CELF2: variants seen among roughly 807,000 people sequenced by gnomAD.
CELF2 encodes the protein CUGBP Elav-like family member 2.
A neutral mutation model predicts 62.6 loss-of-function variants in CELF2; 8 were observed. The ratio of observed to expected loss-of-function variants is 0.13; its 90% CI spans 0.07 to 0.23. The LOEUF is 0.23. Among genes scored for constraint, CELF2 ranks in the 10% least tolerant of loss-of-function variants. The pLI, the probability that CELF2 is intolerant of heterozygous loss-of-function variation, is 1.00. For missense variants in CELF2, 333 were observed against 671.0 expected (o/e 0.50, Z 5.56); for synonymous variants, 258 against 250.0 (o/e 1.03, Z -0.30).
At chr10:10,494,174 T>C in the CELF2 span, among the ~76,000 whole-genome samples, 1 of 152,232 alleles carries the variant, frequency 6.6e-6, no homozygotes, top group African/African-American at 2.4e-5. Flanking sequence ...CTGAACCATG[T>C]AGACCACGCT....
At chr10:10,738,836 C>T in the CELF2 span, among the ~76,000 whole-genome samples, 10 of 152,040 alleles carry the variant, frequency 6.6e-5, no homozygotes, top group Non-Finnish European at 7.4e-5. Context: ...AAAGAACATT[C>T]GGTAAAAACT....
chr10:10,992,480 A>G (rs1454038647), intron 2 of CELF2, among the ~76,000 whole-genome samples: 1 of 152,204 alleles, frequency 6.6e-6, no homozygotes, highest in African/African-American at 2.4e-5. Flanking sequence ...TATTCCACTC[A>G]CTCTATTGTA....
At chr10:10,505,569 G>C in the CELF2 span, among the ~76,000 whole-genome samples, 1 of 152,042 alleles carries the variant, frequency 6.6e-6, no homozygotes, top group Non-Finnish European at 1.5e-5. Context: ...CTGGTCAGTG[G>C]GGATTAACGT....
At chr10:10,639,415 A>T in the CELF2 span, among the ~76,000 whole-genome samples, 1 of 152,218 alleles carries the variant, frequency 6.6e-6, no homozygotes, top group Admixed American at 6.5e-5. Flanking sequence ...AAATGTTTCT[A>T]TCTTTTAAAA....
chr10:11,332,920 G>GTC lies in CELF2; in HGVS notation c.*3875_*3876dup, dbSNP rs3841463. The GTC allele has an allele frequency of 2.0e-5, 3 of 152,600 alleles. No homozygotes were observed. Among genetic ancestry groups the GTC allele is most frequent in the African/African-American group, 7.2e-5 (3 of 41,430 alleles). The allele number at this position is 152,600 out of a possible 1,614,324, so 9.5% of individuals were successfully genotyped here. On this transcript the variant is annotated 3_prime_UTR_variant, in exon 13 of 13. Transcript: ENST00000633077. The stretch of plus-strand genomic sequence containing the variant: ...CTTAATAACAACACTTATTGCACCT[G>GTC]TCTCTCTCTGAGAACACGGTGTGTC...
Position 11,288,306 on chromosome 10 carries a change from A to T in CELF2, c.842-112A>T, listed in dbSNP as rs962394131. The T allele has an allele frequency of 5.2e-6, 7 of 1,357,252 alleles. No individual in the cohort carries two copies. In the African/African-American group the frequency reaches 7.2e-5, roughly 14 times the overall value. The allele number at this position is 1,357,252 out of a possible 1,614,324, so 84.1% of individuals were successfully genotyped here. On this transcript the variant is annotated intron_variant, in intron 8 of 12. Transcript: ENST00000633077. Reference sequence around the variant, plus strand: ...CCCACCCAGGCAGGTGACCTTGCACAGGGTCGTCTGCTCTCATCATGTGTC... The same window carrying T: ...CCCACCCAGGCAGGTGACCTTGCACTGGGTCGTCTGCTCTCATCATGTGTC...
At chr10:10,483,036 C>T in the CELF2 span, among the ~76,000 whole-genome samples, 6 of 152,028 alleles carry the variant, frequency 3.9e-5, no homozygotes, top group Non-Finnish European at 5.9e-5. Context: ...CTTAAAGAGC[C>T]GGGTACTTCC....
At chr10:11,289,479 G>C (rs1234314425) in intron 9 of CELF2, among the ~76,000 whole-genome samples, 1 of 152,212 alleles carries the variant, frequency 6.6e-6, no homozygotes, top group East Asian at 1.9e-4. Context: ...GAATGAGGCA[G>C]GTTCCTAGAG....
intron 1 of CELF2, among the ~76,000 whole-genome samples, chr10:11,151,973 T>C (rs2063421163): frequency 6.6e-6 from 1 of 152,132 alleles, no homozygotes. Flanking sequence ...TAGAGCTTGG[T>C]AAAGAGAAAA....
In CELF2 at chr10:11,169,132, G is replaced by T. The variant is rs1383588740; in HGVS notation, c.271+3450G>T. On this transcript the variant is annotated intron_variant, in intron 2 of 12. Transcript: ENST00000633077. Reference sequence around the variant, plus strand: ...TTGTAGTGTTGCTGTGTGATGAGGTGATGTGCTCTCCACAGAGCTAGGATA... The same window carrying T: ...TTGTAGTGTTGCTGTGTGATGAGGTTATGTGCTCTCCACAGAGCTAGGATA... 2.0e-5 allele frequency: 3 copies of T among 152,202 alleles called. No individual in the cohort carries two copies. In the East Asian group the frequency reaches 5.8e-4, roughly 29 times the overall value. 9.4% of individuals were successfully genotyped at this position (152,202 alleles called of 1,614,324 possible).
chr10:10,693,972 T>A, the CELF2 span, among the ~76,000 whole-genome samples: 5,842 of 151,798 alleles, frequency 0.038, 257 homozygotes, highest in East Asian at 0.26. Context: ...GCTCCTGGAT[T>A]CATTAATTTT....
At chr10:10,838,693 T>C (rs1216257806) in intron 1 of CELF2, among the ~76,000 whole-genome samples, 3 of 152,208 alleles carry the variant, frequency 2.0e-5, no homozygotes, top group African/African-American at 7.2e-5. Flanking sequence ...TGTCTCCTAA[T>C]GTATATGTCC....
chr10:10,571,920 G>A, the CELF2 span, among the ~76,000 whole-genome samples: 1 of 152,138 alleles, frequency 6.6e-6, no homozygotes, highest in Non-Finnish European at 1.5e-5. Flanking sequence ...AAGAGAGGGA[G>A]GACACAGTCC....
At chr10:11,193,026 C>T (rs957619819) in intron 2 of CELF2, among the ~76,000 whole-genome samples, 1 of 152,196 alleles carries the variant, frequency 6.6e-6, no homozygotes. Flanking sequence ...TAAAGATCTT[C>T]ATGACTTTTT....
At chr10:11,262,595 C>T (rs1462464311) in intron 5 of CELF2, among the ~76,000 whole-genome samples, 1 of 152,130 alleles carries the variant, frequency 6.6e-6, no homozygotes, top group Non-Finnish European at 1.5e-5. Context: ...TACCCAGCCT[C>T]GCATGCCATA....
the CELF2 span, among the ~76,000 whole-genome samples, chr10:10,633,578 T>C: frequency 6.6e-6 from 1 of 152,194 alleles, no homozygotes; most frequent in East Asian, 1.9e-4. Flanking sequence ...TGTCATCGAC[T>C]TTTTTATTTT....
chr10:11,120,559 C>G (rs2057531226), intron 1 of CELF2, among the ~76,000 whole-genome samples: 2 of 152,098 alleles, frequency 1.3e-5, no homozygotes, highest in African/African-American at 4.8e-5. Flanking sequence ...GACCCTTTCC[C>G]CTCCCCACCA....
intron 1 of CELF2, among the ~76,000 whole-genome samples, chr10:10,839,087 AGT>A (rs2058502603): frequency 6.6e-6 from 1 of 152,204 alleles, no homozygotes; most frequent in African/African-American, 2.4e-5. Flanking sequence ...GGGAGGTTGC[AGT>A]GAGCCAACAT....
the CELF2 span, among the ~76,000 whole-genome samples, chr10:10,466,312 A>G: frequency 1.3e-5 from 2 of 152,160 alleles, no homozygotes; most frequent in Non-Finnish European, 2.9e-5. Flanking sequence ...GGAATTATGC[A>G]GTATGGATTT....
Sources: gnomAD v4.1 joint callset for allele counts (sites outside exome capture counted in the v4.1 genomes callset) on GRCh38, gnomAD v4.1.1 for gene constraint, MANE v1.5 for transcripts, NCBI Gene and HGNC (gene_info 2026-07-23, HGNC 2026-07-21) for gene names.